SNX29: variants seen among roughly 807,000 people sequenced by gnomAD.
SNX29 encodes sorting nexin 29.
Under a neutral mutation model 102.1 loss-of-function variants are expected in SNX29, and 78 were observed. The observed-to-expected ratio is 0.76, with a 90% CI of 0.64 to 0.92. The LOEUF (loss-of-function observed/expected upper bound fraction) is 0.92. Among genes scored for constraint, SNX29 ranks in the 40% least tolerant of loss-of-function variants. The pLI, the probability that SNX29 is intolerant of heterozygous loss-of-function variation, is 0.00. For missense variants in SNX29, 1,280 were observed against 1,061.7 expected, an observed-to-expected ratio of 1.21 and a Z score of -2.86; for synonymous variants, 580 against 414.5, an observed-to-expected ratio of 1.40 and a Z score of -4.85.
At chr16:12,081,453 A>T (rs986923500) in intron 11 of SNX29, 1 of 152,202 alleles carries the variant, frequency 6.6e-6, no homozygotes, top group Non-Finnish European at 1.5e-5. Flanking sequence ...GGCCCCACTG[A>T]CCAAGAAATC....
At position 12,274,033 on chromosome 16, in the gene SNX29, C is replaced by G. The variant is rs1422433431; in HGVS notation, c.1679-3900C>G. Among the ~76,000 whole-genome samples the G allele has an allele frequency of 2.0e-5, 3 of 152,202 alleles. No homozygotes were observed. In the East Asian group the frequency reaches 5.8e-4, roughly 29 times the overall value. On this transcript the variant is annotated intron_variant, in intron 14 of 20. Coordinates refer to ENST00000566228, the MANE Select transcript of SNX29 (RefSeq NM_032167.5). The stretch of plus-strand genomic sequence containing the variant: ...CTTTTTTGTTACTATGAAGTATTCT[C>G]TGGCTCCCTTTTGTGTTGCATCCCC...
chr16:12,136,887 C>T (rs141915266), intron 13 of SNX29, among the ~76,000 whole-genome samples: 1 of 152,062 alleles, frequency 6.6e-6, no homozygotes, highest in Non-Finnish European at 1.5e-5. Flanking sequence ...TTACAGGTGC[C>T]CGCCATCACG....
chr16:12,115,696 C>T (rs1174797475), intron 11 of SNX29, among the ~76,000 whole-genome samples: 2 of 152,220 alleles, frequency 1.3e-5, no homozygotes, highest in Non-Finnish European at 2.9e-5. Context: ...TCACATTTAT[C>T]TGGAGCCATC....
chr16:12,500,126 G>A (rs1256844306), intron 19 of SNX29, among the ~76,000 whole-genome samples: 1 of 152,090 alleles, frequency 6.6e-6, no homozygotes, highest in Non-Finnish European at 1.5e-5. Flanking sequence ...TGAGCAGCTG[G>A]GGCTACAGGC....
At chr16:12,529,882 C>T (rs936632220) in intron 20 of SNX29, among the ~76,000 whole-genome samples, 5 of 152,126 alleles carry the variant, frequency 3.3e-5, no homozygotes, top group Admixed American at 1.3e-4. Context: ...TTTGACTTCC[C>T]TTGTTTTGTG....
chr16:12,538,863 G>A (rs141723777), intron 20 of SNX29, among the ~76,000 whole-genome samples: 204 of 152,128 alleles, frequency 1.3e-3, no homozygotes, highest in African/African-American at 4.7e-3. Context: ...ACAGAGAACG[G>A]TAGATGGGGC....
chr16:12,354,541 C>T (rs1162819351), intron 15 of SNX29, among the ~76,000 whole-genome samples: 3 of 152,202 alleles, frequency 2.0e-5, no homozygotes, highest in Non-Finnish European at 4.4e-5. Flanking sequence ...AAACACAAAA[C>T]CCTGCTTGGC....
At chr16:12,103,711 G>C (rs768247168) in intron 11 of SNX29, among the ~76,000 whole-genome samples, 2 of 152,174 alleles carry the variant, frequency 1.3e-5, no homozygotes, top group Non-Finnish European at 2.9e-5. Context: ...TTAAACTACA[G>C]AGCTTCTGCA....
chr16:12,511,614 C>T (rs1206183019), intron 19 of SNX29, among the ~76,000 whole-genome samples: 2 of 152,162 alleles, frequency 1.3e-5, no homozygotes, highest in African/African-American at 2.4e-5. Flanking sequence ...TTGATTTAGG[C>T]ACATCGTCAT....
chr16:12,431,306 A>G (rs1362639003), intron 18 of SNX29, among the ~76,000 whole-genome samples: 1 of 151,696 alleles, frequency 6.6e-6, no homozygotes, highest in Non-Finnish European at 1.5e-5. Context: ...GAAACAGTGC[A>G]GATCCTGAGA....
chr16:11,988,132 A>G (rs1031664675), intron 1 of SNX29, among the ~76,000 whole-genome samples: 1 of 152,038 alleles, frequency 6.6e-6, no homozygotes, highest in Non-Finnish European at 1.5e-5. Flanking sequence ...CACCTCTACT[A>G]AAAATACAAA....
At chr16:12,453,150 G>A (rs1303413522) in intron 18 of SNX29, among the ~76,000 whole-genome samples, 1 of 152,210 alleles carries the variant, frequency 6.6e-6, no homozygotes, top group Non-Finnish European at 1.5e-5. Context: ...CGAACCAACT[G>A]CTGTAAGCCT....
At chr16:12,536,960 A>T (rs776053315) in intron 20 of SNX29, among the ~76,000 whole-genome samples, 10 of 152,004 alleles carry the variant, frequency 6.6e-5, no homozygotes, top group African/African-American at 2.2e-4. Flanking sequence ...TAGGCGACAG[A>T]GTGAGAGAGA....
At chr16:12,527,646 C>G (rs936095705) in intron 20 of SNX29, among the ~76,000 whole-genome samples, 4 of 152,154 alleles carry the variant, frequency 2.6e-5, no homozygotes, top group Admixed American at 6.5e-5. Context: ...AAGGGGCGAA[C>G]TGGCTGGTCC....
intron 11 of SNX29, chr16:12,093,709 G>A (rs1442256009): frequency 6.6e-6 from 1 of 152,174 alleles, no homozygotes; most frequent in Admixed American, 6.5e-5. Context: ...GTGGATTCCT[G>A]GGAGTTATAT....
At chr16:12,466,693 C>G (rs1429880401) in intron 18 of SNX29, among the ~76,000 whole-genome samples, 1 of 152,192 alleles carries the variant, frequency 6.6e-6, no homozygotes, top group African/African-American at 2.4e-5. Flanking sequence ...TGGATAGTTT[C>G]ATGCTTAAGT....
intron 19 of SNX29, among the ~76,000 whole-genome samples, chr16:12,502,086 C>G (rs2089152483): frequency 6.6e-6 from 1 of 152,198 alleles, no homozygotes. Flanking sequence ...AGTGTCCAGG[C>G]TCAGGACTGC....
intron 8 of SNX29, among the ~76,000 whole-genome samples, chr16:12,056,387 C>T (rs1021003205): frequency 1.2e-4 from 18 of 152,176 alleles, no homozygotes; most frequent in African/African-American, 3.4e-4. Flanking sequence ...CAGCTCTCCC[C>T]GGCATTAAGA....
chr16:12,403,259 G>A (rs2084030431), intron 17 of SNX29, among the ~76,000 whole-genome samples, 189 bp from the exon 18 acceptor site: 1 of 149,488 alleles, frequency 6.7e-6, no homozygotes. Context: ...TGTGTGTAGA[G>A]AGAGACAGAC....
Sources: allele counts gnomAD v4.1 joint callset (sites outside exome capture counted in the v4.1 genomes callset), GRCh38; gene constraint gnomAD v4.1.1; transcripts MANE v1.5; gene names NCBI Gene and HGNC (gene_info 2026-07-23, HGNC 2026-07-21).